MCUB: variants seen among roughly 807,000 people sequenced by gnomAD.
MCUB encodes the protein mitochondrial calcium uniporter dominant negative subunit beta.
Under a neutral mutation model 41.4 loss-of-function variants are expected in MCUB, and 46 were observed. The ratio of observed to expected loss-of-function variants is 1.11; its 90% CI spans 0.88 to 1.42. The LOEUF is 1.42. MCUB is among the 40% of genes most tolerant of loss of function. The pLI is 0.00. For missense variants in MCUB, 403 were observed against 404.9 expected, an observed-to-expected ratio of 1.00 and a Z score of 0.04; for synonymous variants, 148 against 148.2, an observed-to-expected ratio of 1.00 and a Z score of 0.01.
chr4:109,684,573 T>G lies in MCUB; in HGVS notation c.743T>G (p.Met248Arg), dbSNP rs142171148. 6.9e-6 allele frequency: 11 copies of G among 1,605,398 alleles called. No homozygotes were observed. Among genetic ancestry groups the G allele is most frequent in the African/African-American group, 1.3e-5 (1 of 74,756 alleles). The stretch of plus-strand genomic sequence containing the variant: ...TGGTGGGTGTACTCCTGGGATATCA[T>G]GGAGCCAGTTACATACTTCATCACA... ...LTWWVYSWDI[M>R]EPVTYFITFA... is the part of the protein sequence containing the mutation. Residue 248 changes from methionine (M) to arginine (R), a missense_variant, in exon 6 of 8, where the codon ATG becomes AGG. Met to Arg is a moderately conservative substitution (Grantham distance 91). Transcript: ENST00000394650.
chr4:109,602,298 A>G (rs1036115463), intron 1 of MCUB, among the ~76,000 whole-genome samples: 2 of 152,138 alleles, frequency 1.3e-5, no homozygotes, highest in Non-Finnish European at 2.9e-5. Flanking sequence ...TGCCTGCTCC[A>G]GTGAGAGTTT....
chr4:109,646,301 T>C (rs1194081187), intron 1 of MCUB, among the ~76,000 whole-genome samples: 1 of 152,188 alleles, frequency 6.6e-6, no homozygotes, highest in African/African-American at 2.4e-5. Context: ...CAGCTTCCTC[T>C]GGCCCCCTCT....
intron 3 of MCUB, among the ~76,000 whole-genome samples, chr4:109,661,256 C>A (rs1729226309): frequency 1.3e-5 from 2 of 152,128 alleles, no homozygotes; most frequent in South Asian, 4.1e-4. Flanking sequence ...GAATTATTTA[C>A]CCTATCCCAC....
chr4:109,652,065 A>C (rs1210812307), intron 1 of MCUB, among the ~76,000 whole-genome samples: 1 of 152,136 alleles, frequency 6.6e-6, no homozygotes, highest in African/African-American at 2.4e-5. Flanking sequence ...CTGTTTTGTA[A>C]ATGGCTGTCT....
intron 1 of MCUB, among the ~76,000 whole-genome samples, chr4:109,561,817 C>CACT (rs1726646035): frequency 6.6e-6 from 1 of 152,132 alleles, no homozygotes; most frequent in Non-Finnish European, 1.5e-5. Flanking sequence ...TGTGCGATCT[C>CACT]GGCTCACTGC....
chr4:109,687,474 T>C (rs1729874072), intron 7 of MCUB, 41 bp from the exon 8 acceptor site: 1 of 1,388,048 alleles, frequency 7.2e-7, no homozygotes, highest in Non-Finnish European at 1.0e-6. Flanking sequence ...GGTATGTTTC[T>C]CTTCTTTCTG....
At chr4:109,580,795 C>G (rs197201) in intron 1 of MCUB, among the ~76,000 whole-genome samples, 89,212 of 151,866 alleles carry the variant, frequency 0.59, 26,476 homozygotes, top group South Asian at 0.67. Flanking sequence ...CAGATGGGTA[C>G]ATTGTAAAAA....
At chr4:109,686,888 A>C (rs1487830634) in intron 7 of MCUB, among the ~76,000 whole-genome samples, 1 of 152,146 alleles carries the variant, frequency 6.6e-6, no homozygotes, top group Non-Finnish European at 1.5e-5. Flanking sequence ...AAAATAAAAA[A>C]ATTTAAATAT....
chr4:109,608,611 T>C (rs1727932199), intron 1 of MCUB, among the ~76,000 whole-genome samples: 1 of 152,074 alleles, frequency 6.6e-6, no homozygotes, highest in Non-Finnish European at 1.5e-5. Context: ...CTCAACCTCT[T>C]GAGTAGCTGG....
intron 1 of MCUB, among the ~76,000 whole-genome samples, chr4:109,587,287 G>A (rs771319067): frequency 1.3e-5 from 2 of 152,246 alleles, no homozygotes; most frequent in Admixed American, 6.5e-5. Context: ...ATAATCTCCT[G>A]GTGTGCCATT....
At chr4:109,684,333 A>G (rs112530128) in intron 5 of MCUB, 110 bp from the exon 6 acceptor site, 2 of 764,800 alleles carry the variant, frequency 2.6e-6, no homozygotes, top group African/African-American at 3.5e-5. Context: ...GAGTGCTGAG[A>G]TTACAGGCGT....
intron 3 of MCUB, among the ~76,000 whole-genome samples, chr4:109,662,077 G>A (rs1340226042): frequency 2.0e-5 from 3 of 152,204 alleles, no homozygotes; most frequent in Non-Finnish European, 4.4e-5. Context: ...GGAGCTGGGA[G>A]AAAGGAGGAG....
At chr4:109,589,693 C>T (rs1206487329) in intron 1 of MCUB, among the ~76,000 whole-genome samples, 18 of 152,180 alleles carry the variant, frequency 1.2e-4, no homozygotes, top group Non-Finnish European at 2.9e-5. Context: ...ATGGTTTTTT[C>T]TCTCTCTCTC....
intron 1 of MCUB, among the ~76,000 whole-genome samples, chr4:109,572,448 G>T (rs1206710788): frequency 6.6e-6 from 1 of 152,168 alleles, no homozygotes; most frequent in African/African-American, 2.4e-5. Context: ...TGCATATCTG[G>T]TACATTAATT....
At chr4:109,619,713 A>C (rs898003829) in intron 1 of MCUB, among the ~76,000 whole-genome samples, 3 of 152,192 alleles carry the variant, frequency 2.0e-5, no homozygotes, top group African/African-American at 7.2e-5. Flanking sequence ...CTCGAGAAAG[A>C]AAAAAGTAAC....
At chr4:109,646,152 C>T (rs1394880410) in intron 1 of MCUB, among the ~76,000 whole-genome samples, 1 of 152,028 alleles carries the variant, frequency 6.6e-6, no homozygotes, top group East Asian at 1.9e-4. Context: ...CTGTCTCCAG[C>T]CCCTCAGCTT....
At position 109,631,087 on chromosome 4, in the gene MCUB, A is replaced by C. The variant is rs995782412; in HGVS notation, c.100-27924A>C. Among the ~76,000 whole-genome samples the C allele has an allele frequency of 1.2e-4, 19 of 152,220 alleles. 3 individuals are homozygous for C. The highest frequency in any genetic ancestry group is 1.0e-3 in the Admixed American group (16 of 15,284). On this transcript the variant is annotated intron_variant, in intron 1 of 7. Transcript: ENST00000394650. Reference sequence around the variant, plus strand: ...GATACTCAATTTCTGGACAGAAGTCAGTGGCAACTCAGATGAGATCAAGCT... The same window carrying C: ...GATACTCAATTTCTGGACAGAAGTCCGTGGCAACTCAGATGAGATCAAGCT...
chr4:109,685,604 G>A (rs575249667), intron 7 of MCUB, among the ~76,000 whole-genome samples: 1 of 152,244 alleles, frequency 6.6e-6, no homozygotes, highest in East Asian at 1.9e-4. Flanking sequence ...AATGACTTGA[G>A]ATAGTAAAAT....
intron 1 of MCUB, among the ~76,000 whole-genome samples, chr4:109,657,425 G>A (rs904202314): frequency 1.5e-4 from 23 of 151,978 alleles, no homozygotes; most frequent in South Asian, 8.3e-4. Flanking sequence ...TTGAAACAGC[G>A]AACACACTTT....
Sources: gnomAD v4.1 joint callset for allele counts (sites outside exome capture counted in the v4.1 genomes callset) on GRCh38, gnomAD v4.1.1 for gene constraint, MANE v1.5 for transcripts, NCBI Gene and HGNC (gene_info 2026-07-23, HGNC 2026-07-21) for gene names.